The following SEC24B variants were observed in gnomAD, a reference collection of about 807,000 sequenced individuals.
SEC24B encodes SEC24 homolog B, COPII component.
In SEC24B, 45 loss-of-function variants were observed where a neutral mutation model predicts 142.8. The ratio of observed to expected loss-of-function variants is 0.32; its 90% CI spans 0.25 to 0.40. The LOEUF (loss-of-function observed/expected upper bound fraction) is 0.40. Among genes scored for constraint, SEC24B ranks in the 10% least tolerant of loss-of-function variants. The pLI is 1.00. For synonymous variants in SEC24B, 574 were observed against 568.2 expected, an observed-to-expected ratio of 1.01 and a Z score of -0.15; for missense variants, 1,409 against 1,526.8, an observed-to-expected ratio of 0.92 and a Z score of 1.29.
At position 109,481,785 on chromosome 4, in the gene SEC24B, T is replaced by G; in HGVS notation, c.1165+4T>G. On this transcript the variant is annotated splice_donor_region_variant and intron_variant, in intron 4 of 23. Coordinates refer to ENST00000265175, the MANE Select transcript of SEC24B (RefSeq NM_006323.5). ...GAGGAGGAGGATGAGGAAGCAGGTC[T>G]GCTTTAGCTTTACACCAGTTCTTGA... The G allele has an allele frequency of 7.5e-6, 12 of 1,608,348 alleles. No homozygotes were observed. The highest frequency in any genetic ancestry group is 1.0e-5 in the Non-Finnish European group (12 of 1,175,046).
chr4:109,463,211 C>A lies in SEC24B; in HGVS notation c.444C>A (p.Ala148=). 1.2e-6 allele frequency: 2 copies of A among 1,614,168 alleles called. No homozygotes were observed. The highest frequency in any genetic ancestry group is 1.7e-6 in the Non-Finnish European group (2 of 1,180,042). Residue 148 remains alanine, a synonymous_variant, in exon 2 of 24, where the codon GCC becomes GCA. Coordinates refer to ENST00000265175, the MANE Select transcript of SEC24B (RefSeq NM_006323.5). ...CAGCATCCCATTTGCATACGAGTGC[C>A]TCCCAACCATACTCCTCTTTTGTGA... The part of the protein sequence containing the change: ...ASSASHLHTS[A]SQPYSSFVNH...
intron 5 of SEC24B, among the ~76,000 whole-genome samples, chr4:109,492,921 T>C (rs191984102): frequency 6.6e-6 from 1 of 152,128 alleles, no homozygotes; most frequent in African/African-American, 2.4e-5. Context: ...GGTCTCACTT[T>C]GTTGTCCAGG....
Position 109,540,448 on chromosome 4 carries a change from C to T in SEC24B, c.*773C>T, listed in dbSNP as rs925351791. On this transcript the variant is annotated 3_prime_UTR_variant, in exon 24 of 24. Coordinates refer to ENST00000265175, the MANE Select transcript of SEC24B (RefSeq NM_006323.5). ...ATCAGCCTACTAATTAAAACTATTT[C>T]GCTTGACAGTATGGTTTGGTGATTT... 6 of 152,288 alleles carry T rather than the reference C, an allele frequency of 3.9e-5. No individual in the cohort carries two copies. The highest frequency in any genetic ancestry group is 2.1e-4 in the South Asian group (1 of 4,824). The allele number at this position is 152,288 out of a possible 1,614,324, so 9.4% of individuals were successfully genotyped here.
intron 1 of SEC24B, among the ~76,000 whole-genome samples, chr4:109,448,299 G>A (rs920690066): frequency 2.6e-5 from 4 of 152,130 alleles, no homozygotes; most frequent in Admixed American, 2.0e-4. Flanking sequence ...AAACCAGGGA[G>A]TAACAATATC....
intron 3 of SEC24B, among the ~76,000 whole-genome samples, chr4:109,477,737 T>C (rs1733322117): frequency 6.6e-6 from 1 of 152,156 alleles, no homozygotes; most frequent in African/African-American, 2.4e-5. Flanking sequence ...TCAAAACTTA[T>C]CAAAGCATAT....
chr4:109,448,039 T>C (rs565983428), intron 1 of SEC24B, among the ~76,000 whole-genome samples: 20 of 152,348 alleles, frequency 1.3e-4, no homozygotes, highest in African/African-American at 4.3e-4. Flanking sequence ...CCTCTGACTC[T>C]CTTCTACCTC....
At chr4:109,486,735 GTGGAAACCAGCT>G (rs1334007635) in intron 4 of SEC24B, among the ~76,000 whole-genome samples, 2 of 152,212 alleles carry the variant, frequency 1.3e-5, no homozygotes, top group African/African-American at 4.8e-5. Flanking sequence ...CATTGATTCA[GTGGAAACCAGCT>G]TGTATGCTGA....
At position 109,494,721 on chromosome 4, in the gene SEC24B, G is replaced by A. The variant is rs376858849; in HGVS notation, c.1353G>A (p.Gln451=). ...CAGCTCCAGCTCCTGTCGTCCCTCA[G>A]CCTTCAAAAATGGCTAAGCCTTTTG... ...PASAPAPVVP[Q]PSKMAKPFGY... is the part of the protein sequence containing the mutation. The change falls in exon 6 of 24, where the codon CAG becomes CAA. Residue 451 remains glutamine (Q), a synonymous_variant. Transcript: ENST00000265175. 2.9e-5 allele frequency: 47 copies of A among 1,614,120 alleles called. No individual in the cohort carries two copies. In the African/African-American group the frequency reaches 5.6e-4, roughly 19 times the overall value.
chr4:109,477,506 T>G (rs1733299829), intron 3 of SEC24B, among the ~76,000 whole-genome samples: 1 of 151,752 alleles, frequency 6.6e-6, no homozygotes, highest in Admixed American at 6.6e-5. Context: ...AAAAATTATT[T>G]GTAGAGATGA....
chr4:109,468,587 T>G (rs959555837), intron 2 of SEC24B, among the ~76,000 whole-genome samples: 8 of 152,354 alleles, frequency 5.3e-5, no homozygotes, highest in African/African-American at 1.7e-4. Context: ...TTCAGAACTT[T>G]CTTCTGTGAA....
chr4:109,487,647 T>C (rs540869917), intron 4 of SEC24B, among the ~76,000 whole-genome samples: 1 of 152,386 alleles, frequency 6.6e-6, no homozygotes, highest in African/African-American at 2.4e-5. Context: ...AGTAATGGCA[T>C]GACCTCTGAT....
chr4:109,488,211 GA>G (rs1734588047), intron 4 of SEC24B, among the ~76,000 whole-genome samples: 1 of 152,010 alleles, frequency 6.6e-6, no homozygotes, highest in Non-Finnish European at 1.5e-5. Context: ...TGTAATTCCA[GA>G]ACATTTTCTT....
chr4:109,486,600 A>G (rs892771616), intron 4 of SEC24B, among the ~76,000 whole-genome samples: 1 of 152,132 alleles, frequency 6.6e-6, no homozygotes, highest in Non-Finnish European at 1.5e-5. Context: ...AATTATTTCC[A>G]AGTACTGCAT....
At chr4:109,462,663 T>C (rs1159104015) in intron 1 of SEC24B, among the ~76,000 whole-genome samples, 1 of 152,124 alleles carries the variant, frequency 6.6e-6, no homozygotes, top group Non-Finnish European at 1.5e-5. Flanking sequence ...CTACTGTTCA[T>C]ACAGACCAGT....
At chr4:109,444,058 A>G (rs1729196042) in intron 1 of SEC24B, among the ~76,000 whole-genome samples, 1 of 151,954 alleles carries the variant, frequency 6.6e-6, no homozygotes, top group Non-Finnish European at 1.5e-5. Flanking sequence ...ACCCATCTCT[A>G]CTAAAAATAC....
chr4:109,493,196 C>G (rs1386394951), intron 5 of SEC24B, among the ~76,000 whole-genome samples: 4 of 151,898 alleles, frequency 2.6e-5, no homozygotes, highest in Admixed American at 2.6e-4. Context: ...TAAGCTGATC[C>G]TTGCCTAATC....
intron 5 of SEC24B, 145 bp from the exon 6 acceptor site, chr4:109,494,469 CT>C: frequency 1.2e-6 from 1 of 841,122 alleles, no homozygotes; most frequent in Non-Finnish European, 1.8e-6. Context: ...ATCATTCCCC[CT>C]ACTTTGTGTG....
At chr4:109,466,557 C>G (rs556107396) in intron 2 of SEC24B, among the ~76,000 whole-genome samples, 34 of 152,268 alleles carry the variant, frequency 2.2e-4, no homozygotes, top group African/African-American at 6.3e-4. Flanking sequence ...ACTAGCGGCA[C>G]CCGCCACCAC....
chr4:109,462,378 C>G (rs1295832561), intron 1 of SEC24B, among the ~76,000 whole-genome samples: 1 of 152,172 alleles, frequency 6.6e-6, no homozygotes, highest in Non-Finnish European at 1.5e-5. Flanking sequence ...CTCAGGGTCT[C>G]TCATGAGATA....
Sources: allele counts gnomAD v4.1 joint callset (sites outside exome capture counted in the v4.1 genomes callset), GRCh38; gene constraint gnomAD v4.1.1; transcripts MANE v1.5; gene names NCBI Gene and HGNC (gene_info 2026-07-23, HGNC 2026-07-21).